Variants in DNAH14 observed in about 807,000 individuals in gnomAD.
The protein encoded by DNAH14 is axonemal beta dynein heavy chain 14.
A neutral mutation model predicts 520.9 loss-of-function variants in DNAH14; 478 were observed. The ratio of observed to expected loss-of-function variants is 0.92; its 90% CI spans 0.85 to 0.99. DNAH14 has a LOEUF of 0.99. Among genes scored for constraint, DNAH14 ranks in the 50% least tolerant of loss-of-function variants. The probability of loss-of-function intolerance (pLI) is 0.00; values close to 1 mark genes in which losing one functional copy is unlikely to be tolerated. For synonymous variants in DNAH14, 1,581 were observed against 1,757.2 expected (o/e 0.90, Z 2.51); for missense variants, 4,831 against 5,234.5 (o/e 0.92, Z 2.38).
At chr1:225,160,765 C>A (rs983455877) in intron 35 of DNAH14, among the ~76,000 whole-genome samples, 3 of 152,026 alleles carry the variant, frequency 2.0e-5, no homozygotes, top group African/African-American at 7.2e-5. Context: ...TGTCTTCTTC[C>A]TTGATTGCAT....
At chr1:225,134,493 G>T (rs1424966099) in intron 27 of DNAH14, among the ~76,000 whole-genome samples, 2 of 152,004 alleles carry the variant, frequency 1.3e-5, no homozygotes, top group Non-Finnish European at 2.9e-5. Context: ...CGTGGTTTTT[G>T]TCTTTAGTTC....
In DNAH14 at chr1:225,080,384, A is replaced by G. The variant is rs1409590101; in HGVS notation, c.2772A>G (p.Arg924=). ...VDVGNLKAKI[R]TPLLLCAGTQ... ...GTCCTACTCTTATTTTTTAGATAAG[A>G]ACTCCTCTTCTGTTATGTGCTGGTA... The change falls in exon 19 of 86, where the codon AGA becomes AGG. Residue 924 remains arginine, a synonymous_variant. Coordinates refer to ENST00000682510, the MANE Select transcript of DNAH14 (RefSeq NM_001367479.1). The G allele has an allele frequency of 1.3e-6, 2 of 1,524,370 alleles. No individual in the cohort carries two copies. Among genetic ancestry groups the G allele is most frequent in the Non-Finnish European group, 1.8e-6 (2 of 1,135,296 alleles). The allele number at this position is 1,524,370 out of a possible 1,614,324, so 94.4% of individuals were successfully genotyped here.
chr1:225,085,030 A>G (rs1454252142), intron 20 of DNAH14, among the ~76,000 whole-genome samples: 2 of 152,238 alleles, frequency 1.3e-5, no homozygotes, highest in South Asian at 4.2e-4. Context: ...TGGCAAGCAT[A>G]TAAGAGAAAT....
intron 17 of DNAH14, among the ~76,000 whole-genome samples, chr1:225,078,794 C>T: frequency 2.0e-5 from 1 of 51,002 alleles, no homozygotes; most frequent in African/African-American, 5.0e-5. Flanking sequence ...CTCTCTCTCT[C>T]TCTCTCTCTC....
rs1488487803 is a variant in DNAH14 at position 225,393,824 on chromosome 1, T to G, written c.13491+1373T>G. On this transcript the variant is annotated intron_variant, in intron 84 of 85. Transcript: ENST00000682510. ...GATATATCTTTTTTTGTTTTTTTTT[T>G]GTTTTTTTTTTTGAGACGGAGTCTT... Among the ~76,000 whole-genome samples the G allele has an allele frequency of 3.2e-3, 466 of 146,224 alleles. 7 individuals are homozygous for G. The highest frequency in any genetic ancestry group is 3.9e-3 in the Non-Finnish European group (263 of 66,592).
intron 15 of DNAH14, among the ~76,000 whole-genome samples, chr1:225,044,378 G>A (rs1055092662): frequency 6.6e-6 from 1 of 152,032 alleles, no homozygotes; most frequent in African/African-American, 2.4e-5. Context: ...GCAATTACTA[G>A]CCTGACCAAA....
intron 10 of DNAH14, among the ~76,000 whole-genome samples, chr1:225,012,854 A>C (rs974710228): frequency 6.6e-6 from 1 of 152,168 alleles, no homozygotes; most frequent in Non-Finnish European, 1.5e-5. Context: ...TCTAGTTAGA[A>C]ATTCCTCCAG....
chr1:225,113,364 G>A (rs4639722), intron 23 of DNAH14, among the ~76,000 whole-genome samples: 12,475 of 152,152 alleles, frequency 0.082, 1,651 homozygotes, highest in African/African-American at 0.28. Context: ...GAGCTGCCTG[G>A]AACTGGTGGA....
At chr1:225,360,577 A>G (rs2095481690) in intron 74 of DNAH14, 104 bp from the exon 75 acceptor site, 1 of 1,113,004 alleles carries the variant, frequency 9.0e-7, no homozygotes, top group Non-Finnish European at 1.3e-6. Context: ...TTCCGCTATG[A>G]CTATACCTTT....
intron 64 of DNAH14, among the ~76,000 whole-genome samples, chr1:225,329,465 T>G (rs546991470): frequency 2.6e-5 from 4 of 152,316 alleles, no homozygotes; most frequent in African/African-American, 9.6e-5. Flanking sequence ...CTCTGGACTA[T>G]ATCCTTAATC....
intron 73 of DNAH14, among the ~76,000 whole-genome samples, chr1:225,355,729 T>G (rs977520579): frequency 6.6e-6 from 1 of 152,214 alleles, no homozygotes; most frequent in Non-Finnish European, 1.5e-5. Flanking sequence ...TGATAAAATA[T>G]AGATACATTA....
At chr1:225,301,987 T>C (rs532016069) in intron 56 of DNAH14, among the ~76,000 whole-genome samples, 1 of 151,236 alleles carries the variant, frequency 6.6e-6, no homozygotes, top group African/African-American at 2.4e-5. Flanking sequence ...TAGATTTGAA[T>C]AATAAAGAAG....
chr1:225,037,015 C>G (rs1456139366), intron 11 of DNAH14, among the ~76,000 whole-genome samples: 1 of 152,082 alleles, frequency 6.6e-6, no homozygotes, highest in Admixed American at 6.5e-5. Flanking sequence ...GTTGTATAAT[C>G]TATGTTGTCT....
At chr1:225,163,588 A>G (rs1187620098) in intron 35 of DNAH14, among the ~76,000 whole-genome samples, 2 of 152,122 alleles carry the variant, frequency 1.3e-5, no homozygotes, top group Non-Finnish European at 2.9e-5. Context: ...TATCAAGTGC[A>G]TTTTCAGCAT....
intron 38 of DNAH14, among the ~76,000 whole-genome samples, chr1:225,195,197 A>G (rs1480643653): frequency 6.6e-6 from 1 of 152,152 alleles, no homozygotes; most frequent in Non-Finnish European, 1.5e-5. Context: ...TACCATAAAG[A>G]CACATGCATA....
chr1:225,191,253 AG>A (rs2085394588), intron 37 of DNAH14, among the ~76,000 whole-genome samples: 1 of 151,966 alleles, frequency 6.6e-6, no homozygotes, highest in Non-Finnish European at 1.5e-5. Context: ...TCAGTAGGGT[AG>A]GTTTCCCAGG....
intron 36 of DNAH14, among the ~76,000 whole-genome samples, chr1:225,173,156 C>G (rs1387401961): frequency 1.3e-5 from 2 of 152,146 alleles, no homozygotes; most frequent in African/African-American, 4.8e-5. Flanking sequence ...CATAAAAACC[C>G]TAGAAGAAAA....
At chr1:225,031,525 TAG>T (rs113378388) in intron 11 of DNAH14, among the ~76,000 whole-genome samples, 8,365 of 151,942 alleles carry the variant, frequency 0.055, 472 homozygotes, top group East Asian at 0.24. Context: ...ACCCATGCTC[TAG>T]AGTAACCACT....
chr1:225,211,554 A>G (rs7555756), intron 41 of DNAH14, among the ~76,000 whole-genome samples: 23,477 of 152,192 alleles, frequency 0.15, 2,136 homozygotes, highest in East Asian at 0.36. Context: ...TGGGGAGAAT[A>G]GAACCAAGCT....
Sources: gnomAD v4.1 joint callset for allele counts (sites outside exome capture counted in the v4.1 genomes callset) on GRCh38, gnomAD v4.1.1 for gene constraint, MANE v1.5 for transcripts, NCBI Gene and HGNC (gene_info 2026-07-23, HGNC 2026-07-21) for gene names.